SI: variants seen among roughly 807,000 people sequenced by gnomAD.
The protein encoded by SI is sucrase-isomaltase, intestinal.
Under a neutral mutation model 253.3 loss-of-function variants are expected in SI, and 235 were observed. The ratio of observed to expected loss-of-function variants is 0.93; its 90% CI spans 0.83 to 1.03. The LOEUF (loss-of-function observed/expected upper bound fraction) is 1.03, where lower values mean the gene tolerates loss of function less well. Ranked by LOEUF, SI falls within the 50% of genes least tolerant of loss-of-function variation. SI has a pLI of 0.00. For missense variants in SI, 2,442 were observed against 2,211.1 expected, an observed-to-expected ratio of 1.10 and a Z score of -2.09; for synonymous variants, 819 against 712.0, an observed-to-expected ratio of 1.15 and a Z score of -2.39.
chr3:165,067,589 CGTG>C (rs1212451667), intron 5 of SI, 98 bp from the exon 6 acceptor site: 3 of 1,075,350 alleles, frequency 2.8e-6, no homozygotes, highest in South Asian at 1.3e-5. Flanking sequence ...TAAAAAATAA[CGTG>C]GTGATTAGTT....
the SI span, among the ~76,000 whole-genome samples, chr3:165,086,643 A>G: frequency 6.6e-6 from 1 of 152,220 alleles, no homozygotes; most frequent in Admixed American, 6.6e-5. Context: ...TCTTCAAAAT[A>G]CAACTTTCCT....
At position 164,980,435 on chromosome 3, in the gene SI, T is replaced by C. The variant is rs1286943914; in HGVS notation, c.5416-1005A>G. Among the ~76,000 whole-genome samples, 5 of 152,072 alleles carry C rather than the reference T, an allele frequency of 3.3e-5. No homozygotes were observed. In the East Asian group the frequency reaches 9.7e-4, roughly 29 times the overall value. On this transcript the variant is annotated intron_variant, in intron 47 of 47. Coordinates refer to ENST00000264382, the MANE Select transcript of SI (RefSeq NM_001041.4). ...TACTAGAAAAATGCTTTTGAAATTA[T>C]ATTGCTAGAGCAATTAAATAATCTC...
chr3:165,046,988 A>G lies in SI; in HGVS notation c.1740T>C (p.Asn580=). The change falls in exon 16 of 48, where the codon AAT becomes AAC. Residue 580 remains asparagine (N), a synonymous_variant. Transcript: ENST00000264382. ...AGCGGGTAAGAATGAAGCTTCTCTT[A>G]TTAGGAAAAACTTTTTGTACAGCTC... is the stretch of plus-strand genomic sequence containing the variant. ...TEQAVQKVFP[N]KRSFILTRST... 1 of 1,609,312 alleles carries G rather than the reference A, an allele frequency of 6.2e-7. No individual in the cohort carries two copies.
At chr3:165,015,910 T>C in intron 32 of SI, 42 bp downstream of exon 32, 3 of 1,564,176 alleles carry the variant, frequency 1.9e-6, no homozygotes, top group Non-Finnish European at 2.6e-6. Flanking sequence ...GGTGAATTAA[T>C]GGAAACAAGA....
At chr3:165,055,392 T>TA (rs907837829) in intron 12 of SI, 85 bp from the exon 13 acceptor site, 341 of 740,226 alleles carry the variant, frequency 4.6e-4, no homozygotes, top group African/African-American at 7.3e-4. Flanking sequence ...TTGAGAATAG[T>TA]AAAAAAAAAT....
intron 2 of SI, among the ~76,000 whole-genome samples, chr3:165,074,894 T>G (rs564190396): frequency 6.6e-6 from 1 of 152,138 alleles, no homozygotes; most frequent in East Asian, 1.9e-4. Flanking sequence ...ATTGACTGTT[T>G]CTGAAGAAAT....
At chr3:165,076,071 CA>C in intron 1 of SI, 59 bp from the exon 2 acceptor site, 1 of 1,169,604 alleles carries the variant, frequency 8.5e-7, no homozygotes, top group Non-Finnish European at 1.2e-6. Context: ...AATAAACCAC[CA>C]ACAATTCTCA....
At chr3:165,055,977 C>T (rs898069545) in intron 12 of SI, among the ~76,000 whole-genome samples, 3 of 152,052 alleles carry the variant, frequency 2.0e-5, no homozygotes, top group African/African-American at 7.2e-5. Context: ...CAGTCTTACA[C>T]CTGAGTCCAT....
At chr3:165,048,584 T>TATAG (rs779292188) in intron 15 of SI, among the ~76,000 whole-genome samples, 11,209 of 124,982 alleles carry the variant, frequency 0.09, 548 homozygotes, top group Non-Finnish European at 0.12. Flanking sequence ...TATATATATA[T>TATAG]AGAGAGAGAG....
chr3:165,035,232 G>A lies in SI; in HGVS notation c.2515+1157C>T, dbSNP rs550683587. Among the ~76,000 whole-genome samples the A allele has an allele frequency of 7.2e-5, 11 of 151,978 alleles. No homozygotes were observed. The South Asian group carries it at 2.3e-3, about 32-fold the overall frequency. On this transcript the variant is annotated intron_variant, in intron 22 of 47. Transcript: ENST00000264382. ...TATAAATTTGAAAGTCAGGTAAATGGTATAAAAGACTACATTTATCAAGGA... is the reference window on the plus strand; with the variant it reads ...TATAAATTTGAAAGTCAGGTAAATGATATAAAAGACTACATTTATCAAGGA...
chr3:165,038,617 G>A (rs1712662788), intron 20 of SI, among the ~76,000 whole-genome samples: 1 of 151,674 alleles, frequency 6.6e-6, no homozygotes, highest in East Asian at 1.9e-4. Context: ...AAAATGGATG[G>A]TGTATTTGAG....
chr3:165,015,790 C>T (rs533162688), intron 32 of SI, among the ~76,000 whole-genome samples, 162 bp downstream of exon 32: 48 of 151,998 alleles, frequency 3.2e-4, no homozygotes, highest in Non-Finnish European at 6.5e-4. Flanking sequence ...GATCACAACC[C>T]ATGCAAATAA....
chr3:165,000,564 A>G (rs995322250), intron 37 of SI, among the ~76,000 whole-genome samples: 20 of 151,560 alleles, frequency 1.3e-4, no homozygotes, highest in Admixed American at 9.9e-4. Flanking sequence ...TACTATTGTT[A>G]ATTGTAAATT....
intron 7 of SI, 25 bp from the exon 8 acceptor site, chr3:165,063,566 C>G: frequency 9.9e-7 from 1 of 1,012,044 alleles, no homozygotes; most frequent in Non-Finnish European, 1.6e-6. Context: ...TTTGAAAATA[C>G]GATTTTCAAA....
At chr3:165,035,573 G>T (rs1712490346) in intron 22 of SI, among the ~76,000 whole-genome samples, 1 of 151,344 alleles carries the variant, frequency 6.6e-6, no homozygotes, top group Non-Finnish European at 1.5e-5. Flanking sequence ...AGGCATTTAG[G>T]ATAGTCTTTT....
chr3:165,015,021 G>C, intron 33 of SI, 102 bp downstream of exon 33: 1 of 809,110 alleles, frequency 1.2e-6, no homozygotes, highest in South Asian at 1.5e-5. Flanking sequence ...TTACATTTCT[G>C]TATAGCTCTC....
At chr3:164,986,124 T>TA (rs964674402) in intron 45 of SI, among the ~76,000 whole-genome samples, 1 of 152,166 alleles carries the variant, frequency 6.6e-6, no homozygotes, top group African/African-American at 2.4e-5. Context: ...CTCCTTGTTG[T>TA]AGAGGCACCA....
At chr3:164,998,854 G>T (rs925893578) in intron 37 of SI, among the ~76,000 whole-genome samples, 181 bp from the exon 38 acceptor site, 1 of 151,658 alleles carries the variant, frequency 6.6e-6, no homozygotes, top group Admixed American at 6.6e-5. Flanking sequence ...AAAACATAAA[G>T]GACGTCTTTT....
chr3:165,086,129 C>A, the SI span, among the ~76,000 whole-genome samples: 1 of 151,992 alleles, frequency 6.6e-6, no homozygotes, highest in African/African-American at 2.4e-5. Flanking sequence ...TGGTGCACAC[C>A]TGTAATCCCA....
Sources: allele counts gnomAD v4.1 joint callset (sites outside exome capture counted in the v4.1 genomes callset), GRCh38; gene constraint gnomAD v4.1.1; transcripts MANE v1.5; gene names NCBI Gene and HGNC (gene_info 2026-07-23, HGNC 2026-07-21).